SPAG17: variants seen among roughly 807,000 people sequenced by gnomAD.
The protein encoded by SPAG17 is sperm associated antigen 17, also known as sperm-associated antigen 17.
In SPAG17, 169 loss-of-function variants were observed where a neutral mutation model predicts 273.6. The ratio of observed to expected loss-of-function variants is 0.62; its 90% confidence interval spans 0.55 to 0.70. The LOEUF is 0.70. Ranked by LOEUF, SPAG17 falls within the 30% of genes least tolerant of loss-of-function variation. The pLI, the probability that SPAG17 is intolerant of heterozygous loss-of-function variation, is 0.00. For synonymous variants in SPAG17, 825 were observed against 873.2 expected, an observed-to-expected ratio of 0.94 and a Z score of 0.97; for missense variants, 2,557 against 2,627.8, an observed-to-expected ratio of 0.97 and a Z score of 0.59.
chr1:118,076,935 C>T (rs1654148557), intron 15 of SPAG17, among the ~76,000 whole-genome samples: 1 of 152,008 alleles, frequency 6.6e-6, no homozygotes, highest in African/African-American at 2.4e-5. Context: ...GCATAAAGGG[C>T]ACATCTAAAC....
Position 118,008,277 on chromosome 1 carries a change from C to T in SPAG17, c.4433-79G>A, listed in dbSNP as rs538097343. 8.6e-6 allele frequency: 13 copies of T among 1,515,566 alleles called. No homozygotes were observed. In the African/African-American group the frequency reaches 1.6e-4, roughly 19 times the overall value. 93.9% of individuals were successfully genotyped at this position (1,515,566 alleles called of 1,614,324 possible). ...AGACCTCAGCCTATTGATTTTGCTG[C>T]TGTTTCCTGGCTGTCTGGATTCCCC... On this transcript the variant is annotated intron_variant, in intron 30 of 48. Transcript: ENST00000336338.
intron 15 of SPAG17, among the ~76,000 whole-genome samples, chr1:118,078,136 C>T (rs1332591286): frequency 6.6e-6 from 1 of 152,102 alleles, no homozygotes; most frequent in Non-Finnish European, 1.5e-5. Context: ...ACTCCAATTG[C>T]CTCCTCTACC....
chr1:118,024,732 T>G (rs1301824588), intron 27 of SPAG17, among the ~76,000 whole-genome samples: 1 of 152,172 alleles, frequency 6.6e-6, no homozygotes, highest in Non-Finnish European at 1.5e-5. Flanking sequence ...ACCCTCATTT[T>G]CTGAGCTCAG....
At chr1:118,079,780 T>C (rs1344088559) in intron 15 of SPAG17, among the ~76,000 whole-genome samples, 1 of 152,174 alleles carries the variant, frequency 6.6e-6, no homozygotes, top group East Asian at 1.9e-4. Context: ...ATTAGCTGCA[T>C]TCTATAGTTT....
At position 118,007,983 on chromosome 1, in the gene SPAG17, G is replaced by A. The variant is rs1424251244; in HGVS notation, c.4587+61C>T. Reference sequence around the variant, plus strand: ...GGCATTTTTACTGCCCCAGAGAAGTGGGTTTTCTCAGCTGAATAGACACTC... The same window carrying A: ...GGCATTTTTACTGCCCCAGAGAAGTAGGTTTTCTCAGCTGAATAGACACTC... On this transcript the variant is annotated intron_variant, in intron 31 of 48. Coordinates refer to ENST00000336338, the MANE Select transcript of SPAG17 (RefSeq NM_206996.4). The A allele has an allele frequency of 3.8e-5, 61 of 1,599,686 alleles. No individual in the cohort carries two copies. In the East Asian group the frequency reaches 5.6e-4, roughly 15 times the overall value.
chr1:118,165,581 T>C (rs1478538866), intron 1 of SPAG17, among the ~76,000 whole-genome samples: 2 of 151,466 alleles, frequency 1.3e-5, no homozygotes, highest in Non-Finnish European at 2.9e-5. Flanking sequence ...ATAGGCTTTT[T>C]AGAGGGTGCT....
At chr1:118,062,192 T>C (rs902648120) in intron 18 of SPAG17, among the ~76,000 whole-genome samples, 49 of 150,980 alleles carry the variant, frequency 3.2e-4, no homozygotes, top group African/African-American at 1.1e-3. Flanking sequence ...AACGGTGAAA[T>C]CCCGTCTCTA....
intron 38 of SPAG17, among the ~76,000 whole-genome samples, chr1:117,990,338 C>T (rs890536059): frequency 6.6e-6 from 1 of 152,200 alleles, no homozygotes; most frequent in Non-Finnish European, 1.5e-5. Flanking sequence ...CACCAAATTC[C>T]TACTGCTTGT....
chr1:118,182,251 G>A (rs1224187406), intron 1 of SPAG17, among the ~76,000 whole-genome samples: 1 of 152,174 alleles, frequency 6.6e-6, no homozygotes, highest in East Asian at 1.9e-4. Context: ...CAAATTTGGA[G>A]AGAAAGAAAG....
chr1:117,991,263 AC>A, intron 37 of SPAG17, 151 bp downstream of exon 37: 1 of 506,558 alleles, frequency 2.0e-6, no homozygotes, highest in Non-Finnish European at 3.4e-6. Flanking sequence ...CAATATATAG[AC>A]AAATGGATTT....
At chr1:118,054,859 C>G (rs1263526580) in intron 19 of SPAG17, among the ~76,000 whole-genome samples, 1 of 151,926 alleles carries the variant, frequency 6.6e-6, no homozygotes, top group Non-Finnish European at 1.5e-5. Context: ...ATATGGTTTA[C>G]TTTAAAATCA....
chr1:118,005,752 G>A (rs1334668663), intron 31 of SPAG17, 150 bp from the exon 32 acceptor site: 2 of 518,404 alleles, frequency 3.9e-6, no homozygotes, highest in Non-Finnish European at 6.3e-6. Flanking sequence ...GAGGACTTAA[G>A]GTTTGGAAAG....
At chr1:117,982,151 C>A (rs1015280970) in intron 42 of SPAG17, among the ~76,000 whole-genome samples, 48 of 151,946 alleles carry the variant, frequency 3.2e-4, no homozygotes, top group Non-Finnish European at 2.5e-4. Context: ...CCAACTCTGT[C>A]ATAATTAGAT....
At chr1:118,014,788 A>T (rs1659803098) in intron 29 of SPAG17, among the ~76,000 whole-genome samples, 1 of 152,162 alleles carries the variant, frequency 6.6e-6, no homozygotes. Flanking sequence ...TCCATATAAG[A>T]TGTTAAAGGA....
chr1:118,136,535 G>A (rs763740609), intron 3 of SPAG17, among the ~76,000 whole-genome samples: 10 of 152,108 alleles, frequency 6.6e-5, no homozygotes, highest in Non-Finnish European at 1.0e-4. Flanking sequence ...TTCAACAGGC[G>A]GGTGTGGGGG....
At chr1:117,963,063 T>G (rs952309111) in intron 48 of SPAG17, 2 of 152,208 alleles carry the variant, frequency 1.3e-5, no homozygotes, top group African/African-American at 4.8e-5. Context: ...CCTTTCTCTT[T>G]ATTTCTGAGG....
In SPAG17 at chr1:118,025,325, C is replaced by T. The variant is rs746696447; in HGVS notation, c.3822G>A (p.Thr1274=). 20 of 1,613,404 alleles carry T rather than the reference C, an allele frequency of 1.2e-5. No individual in the cohort carries two copies. The highest frequency in any genetic ancestry group is 1.6e-4 in the Middle Eastern group (1 of 6,066). Residue 1274 remains threonine, a synonymous_variant, in exon 27 of 49, where the codon ACG becomes ACA. Transcript: ENST00000336338. The part of the protein sequence containing the change: ...QRVKHYEFYK[T]VMPPAEQEAS... Reference sequence around the variant, plus strand: ...CCTCCTGCTCTGCGGGTGGCATCACCGTTTTATAGAACTCATAGTGCTTCA... The same window carrying T: ...CCTCCTGCTCTGCGGGTGGCATCACTGTTTTATAGAACTCATAGTGCTTCA...
At chr1:118,081,683 T>G (rs1379722428) in intron 13 of SPAG17, 41 bp from the exon 14 acceptor site, 1 of 1,534,306 alleles carries the variant, frequency 6.5e-7, no homozygotes, top group Non-Finnish European at 9.0e-7. Context: ...AATGTTCTTA[T>G]TAGCACATGG....
chr1:118,063,963 C>T (rs1421557008), intron 18 of SPAG17, among the ~76,000 whole-genome samples: 2 of 152,136 alleles, frequency 1.3e-5, no homozygotes, highest in Admixed American at 1.3e-4. Flanking sequence ...GACATTTATG[C>T]AGCCAAAAAA....
Sources: allele counts gnomAD v4.1 joint callset (sites outside exome capture counted in the v4.1 genomes callset), GRCh38; gene constraint gnomAD v4.1.1; transcripts MANE v1.5; gene names NCBI Gene and HGNC (gene_info 2026-07-23, HGNC 2026-07-21).